Variants in EPHB1 observed in about 807,000 individuals in gnomAD.
EPHB1 encodes ephrin type-B receptor 1.
A neutral mutation model predicts 94.4 loss-of-function variants in EPHB1; 30 were observed. The observed-to-expected ratio is 0.32, with a 90% CI of 0.24 to 0.43. The LOEUF (loss-of-function observed/expected upper bound fraction) is 0.43. Among genes scored for constraint, EPHB1 ranks in the 20% least tolerant of loss-of-function variants. The probability of loss-of-function intolerance (pLI) is 1.00; values close to 1 mark genes in which losing one functional copy is unlikely to be tolerated. For missense variants in EPHB1, 1,055 were observed against 1,308.3 expected (o/e 0.81, Z 2.99); for synonymous variants, 522 against 489.1 (o/e 1.07, Z -0.89).
At chr3:134,904,673 AGCTAGTCTC>A (rs2038281068) in intron 1 of EPHB1, among the ~76,000 whole-genome samples, 1 of 107,196 alleles carries the variant, frequency 9.3e-6, no homozygotes, top group Non-Finnish European at 1.8e-5. Context: ...CACACTGAGT[AGCTAGTCTC>A]TTGGAGATCA....
chr3:135,208,522 G>A (rs995334998), intron 12 of EPHB1, among the ~76,000 whole-genome samples: 3 of 152,066 alleles, frequency 2.0e-5, no homozygotes, highest in Admixed American at 6.6e-5. Flanking sequence ...ACTCAACCAG[G>A]GTAGATGTTC....
intron 1 of EPHB1, among the ~76,000 whole-genome samples, chr3:134,807,994 A>G (rs2036101123): frequency 6.6e-6 from 1 of 152,208 alleles, no homozygotes; most frequent in South Asian, 2.1e-4. Context: ...AGCACCTCCC[A>G]TGATGAATTC....
At chr3:135,039,369 T>G (rs1936754436) in intron 3 of EPHB1, among the ~76,000 whole-genome samples, 2 of 152,238 alleles carry the variant, frequency 1.3e-5, no homozygotes, top group African/African-American at 4.8e-5. Flanking sequence ...CTTCACCTAG[T>G]GGATCCCGCA....
chr3:135,223,341 G>A (rs928828824), intron 12 of EPHB1, among the ~76,000 whole-genome samples: 1 of 152,168 alleles, frequency 6.6e-6, no homozygotes, highest in African/African-American at 2.4e-5. Context: ...AACCACAGCA[G>A]CTCCTCTCTT....
intron 3 of EPHB1, among the ~76,000 whole-genome samples, chr3:134,976,604 C>A (rs574719): frequency 6.6e-6 from 1 of 151,982 alleles, no homozygotes; most frequent in Non-Finnish European, 1.5e-5. Context: ...TTTCTCCAGA[C>A]GTCACCCCAT....
chr3:135,082,594 A>G (rs1472645439), intron 3 of EPHB1, among the ~76,000 whole-genome samples: 1 of 152,198 alleles, frequency 6.6e-6, no homozygotes, highest in African/African-American at 2.4e-5. Flanking sequence ...CCAACTGGAA[A>G]ATGAGGAATA....
At chr3:134,952,550 T>C (rs1421463794) in intron 3 of EPHB1, among the ~76,000 whole-genome samples, 1 of 152,164 alleles carries the variant, frequency 6.6e-6, no homozygotes, top group Non-Finnish European at 1.5e-5. Flanking sequence ...CCCACAGCAC[T>C]CAACTTGGTA....
At chr3:134,896,473 CTTG>C (rs761009939) in intron 1 of EPHB1, among the ~76,000 whole-genome samples, 3 of 152,222 alleles carry the variant, frequency 2.0e-5, no homozygotes, top group Non-Finnish European at 4.4e-5. Flanking sequence ...AATGGTTGCT[CTTG>C]TTGTCGTGAA....
chr3:135,201,807 A>T (rs1942764791), intron 12 of EPHB1, 118 bp downstream of exon 12: 2 of 971,366 alleles, frequency 2.1e-6, no homozygotes. Flanking sequence ...TGAGCTCTCC[A>T]CTGAAAGACC....
rs747300293 is a variant in EPHB1, at chr3:135,012,327, C to T, written c.805+60275C>T. The stretch of plus-strand genomic sequence containing the variant: ...CCATGTGGCAGTGGGCTGGTGTGTG[C>T]TCAGTAAGCACAGCCAGTCCTCAAG... On this transcript the variant is annotated intron_variant, in intron 3 of 15. Transcript: ENST00000398015. Among the ~76,000 whole-genome samples, 5 of 152,176 alleles carry T rather than the reference C, an allele frequency of 3.3e-5. No individual in the cohort carries two copies. In the East Asian group the frequency reaches 5.8e-4, roughly 18 times the overall value.
chr3:134,951,009 A>G lies in EPHB1; in HGVS notation c.124-362A>G, dbSNP rs760825559. On this transcript the variant is annotated intron_variant, in intron 2 of 15. Transcript: ENST00000398015. This position sits in a 1 kb window ranked among gnomAD's most constrained non-coding sequence, Gnocchi z 4.5. ...CCCCAATCCACAGATTGGCTTTTAG[A>G]GCAGGTACTGTGGAAGTGAGGAAGA... 6.6e-6 allele frequency among the ~76,000 whole-genome samples: 1 copy of G among 152,168 alleles called. No homozygotes were observed. The highest frequency in any genetic ancestry group is 1.5e-5 in the Non-Finnish European group (1 of 68,036).
At chr3:135,076,086 GAA>G (rs1240262203) in intron 3 of EPHB1, among the ~76,000 whole-genome samples, 1 of 151,946 alleles carries the variant, frequency 6.6e-6, no homozygotes, top group Non-Finnish European at 1.5e-5. Context: ...GACCTAAAAG[GAA>G]AAACAAAAAC....
chr3:135,079,458 G>A (rs1240426083), intron 3 of EPHB1, among the ~76,000 whole-genome samples: 1 of 152,182 alleles, frequency 6.6e-6, no homozygotes, highest in Non-Finnish European at 1.5e-5. Context: ...ACTGGTTCTT[G>A]TAGAGACTTC....
intron 3 of EPHB1, among the ~76,000 whole-genome samples, chr3:135,048,716 G>A (rs914410690): frequency 6.6e-6 from 1 of 152,188 alleles, no homozygotes; most frequent in African/African-American, 2.4e-5. Context: ...GCATGCAGTG[G>A]GCACCATGTT....
At chr3:134,979,371 A>AT (rs1423859042) in intron 3 of EPHB1, among the ~76,000 whole-genome samples, 1 of 152,154 alleles carries the variant, frequency 6.6e-6, no homozygotes, top group Non-Finnish European at 1.5e-5. Context: ...AAAGGAATCC[A>AT]TTGTCTTTAG....
At chr3:135,244,563 C>G (rs17712106) in intron 13 of EPHB1, among the ~76,000 whole-genome samples, 11,948 of 152,258 alleles carry the variant, frequency 0.078, 584 homozygotes, top group Middle Eastern at 0.19. Context: ...CAATTCAAAC[C>G]TGGTCATTGT....
chr3:135,225,669 G>T (rs1943377926), intron 12 of EPHB1, among the ~76,000 whole-genome samples: 1 of 152,098 alleles, frequency 6.6e-6, no homozygotes, highest in South Asian at 2.1e-4. Flanking sequence ...ACTGTGGCAA[G>T]TTTAGGAAGG....
intron 1 of EPHB1, among the ~76,000 whole-genome samples, chr3:134,895,265 C>T (rs1052410869): frequency 2.0e-5 from 3 of 152,216 alleles, no homozygotes; most frequent in African/African-American, 4.8e-5. Flanking sequence ...AGATCCACAC[C>T]GTCTTGATCT....
intron 3 of EPHB1, among the ~76,000 whole-genome samples, chr3:135,018,781 G>A (rs574505261): frequency 3.2e-4 from 48 of 152,172 alleles, no homozygotes; most frequent in Non-Finnish European, 5.4e-4. Context: ...TGTCTGCTGA[G>A]TGAATGCCGG....
Sources: gnomAD v4.1 joint callset for allele counts (sites outside exome capture counted in the v4.1 genomes callset) on GRCh38, gnomAD v4.1.1 for gene constraint, Gnocchi (gnomAD v3.1) non-coding constraint, MANE v1.5 for transcripts, NCBI Gene and HGNC (gene_info 2026-07-23, HGNC 2026-07-21) for gene names.